The following UTRN variants were observed in gnomAD, a reference collection of about 807,000 sequenced individuals.
UTRN encodes the protein utrophin, also known as dystrophin-related protein 1.
Under a neutral mutation model 463.9 loss-of-function variants are expected in UTRN, and 283 were observed. The ratio of observed to expected loss-of-function variants is 0.61; its 90% CI spans 0.55 to 0.67. The LOEUF (loss-of-function observed/expected upper bound fraction) is 0.67, where lower values mean the gene tolerates loss of function less well. UTRN is among the 30% of genes least tolerant of loss of function. The pLI is 0.00. For missense variants in UTRN, 3,922 were observed against 4,084.3 expected (o/e 0.96, Z 1.08); for synonymous variants, 1,442 against 1,431.5 (o/e 1.01, Z -0.17).
chr6:144,463,370 G>A (rs1430402256), intron 23 of UTRN, among the ~76,000 whole-genome samples: 1 of 152,174 alleles, frequency 6.6e-6, no homozygotes, highest in African/African-American at 2.4e-5. Context: ...CACTACACCT[G>A]AAAATGTTGA....
chr6:144,290,655 A>G (rs1223092293), intron 1 of UTRN, among the ~76,000 whole-genome samples: 1 of 151,686 alleles, frequency 6.6e-6, no homozygotes, highest in Non-Finnish European at 1.5e-5. Flanking sequence ...TCATATACCC[A>G]TGAGCTAGGT....
chr6:144,804,693 CAG>C (rs34467159), intron 65 of UTRN, among the ~76,000 whole-genome samples: 64,993 of 151,746 alleles, frequency 0.43, 15,857 homozygotes, highest in African/African-American at 0.65. Context: ...TCTACCATTC[CAG>C]AGAGAGACTG....
intron 51 of UTRN, among the ~76,000 whole-genome samples, chr6:144,657,250 C>CAAAAA (rs11400052): frequency 2.9e-5 from 2 of 68,854 alleles, no homozygotes; most frequent in African/African-American, 4.8e-5. Context: ...AACTCCATCT[C>CAAAAA]AAAAAAAAAA....
intron 51 of UTRN, among the ~76,000 whole-genome samples, chr6:144,606,880 C>T (rs9390176): frequency 0.069 from 10,426 of 152,136 alleles, 985 homozygotes; most frequent in East Asian, 0.53. Flanking sequence ...TGCAATTCCT[C>T]GCTCAGAGAG....
intron 46 of UTRN, among the ~76,000 whole-genome samples, chr6:144,545,812 G>A (rs896044311): frequency 1.3e-5 from 2 of 152,198 alleles, no homozygotes; most frequent in Non-Finnish European, 2.9e-5. Flanking sequence ...CTGAGGTCAG[G>A]AGTTCGAGAC....
chr6:144,481,225 T>C (rs1791824052), intron 26 of UTRN, among the ~76,000 whole-genome samples: 1 of 152,178 alleles, frequency 6.6e-6, no homozygotes, highest in South Asian at 2.1e-4. Context: ...TTCAAAACCA[T>C]TAAGTAGTAG....
intron 50 of UTRN, among the ~76,000 whole-genome samples, chr6:144,565,918 T>C (rs565496879): frequency 6.6e-6 from 1 of 151,756 alleles, no homozygotes; most frequent in African/African-American, 2.4e-5. Context: ...AGAGAGTCGA[T>C]TGACTTTTCT....
At chr6:144,760,587 C>T (rs562007483) in intron 58 of UTRN, among the ~76,000 whole-genome samples, 32 of 152,068 alleles carry the variant, frequency 2.1e-4, no homozygotes, top group Non-Finnish European at 3.7e-4. Flanking sequence ...ACATCAAATT[C>T]TGAAGGTAGA....
chr6:144,740,072 A>C (rs1315543998), intron 54 of UTRN, among the ~76,000 whole-genome samples: 1 of 152,142 alleles, frequency 6.6e-6, no homozygotes, highest in Non-Finnish European at 1.5e-5. Flanking sequence ...AATACTTACC[A>C]CCCATTCTAC....
At position 144,505,797 on chromosome 6, in the gene UTRN, C is replaced by T. The variant is rs1794643407; in HGVS notation, c.4765-5147C>T. ...CTTGGTCCAGAGCTGAGTTCAAGTC[C>T]TGAATATCCTTGTTAATTTTCTGCC... On this transcript the variant is annotated intron_variant, in intron 34 of 74. Transcript: ENST00000367545. Among the ~76,000 whole-genome samples, 4 of 152,308 alleles carry T rather than the reference C, an allele frequency of 2.6e-5. No individual in the cohort carries two copies. The South Asian group carries it at 8.3e-4, about 32-fold the overall frequency.
chr6:144,474,663 G>A lies in UTRN; in HGVS notation c.3240G>A (p.Glu1080=). The change falls in exon 25 of 75, where the codon GAG becomes GAA. Residue 1080 remains glutamate, a synonymous_variant. Transcript: ENST00000367545. ...ESSLKNMKEI[E]TNLRSGPVAG... is the part of the protein sequence containing the mutation. ...CTCTGAAAAACATGAAGGAAATAGA[G>A]ACTAATCTTCGAAGTGGTCCAGTTG... The A allele has an allele frequency of 1.2e-6, 2 of 1,613,930 alleles. No individual in the cohort carries two copies. The highest frequency in any genetic ancestry group is 1.7e-6 in the Non-Finnish European group (2 of 1,179,924).
At chr6:144,302,049 G>A (rs1400659088) in intron 2 of UTRN, among the ~76,000 whole-genome samples, 5 of 152,138 alleles carry the variant, frequency 3.3e-5, no homozygotes, top group African/African-American at 1.2e-4. Context: ...GTGCCACCAG[G>A]TGTTCTGCTC....
intron 13 of UTRN, among the ~76,000 whole-genome samples, chr6:144,441,124 C>T (rs1787114548): frequency 6.6e-6 from 1 of 152,138 alleles, no homozygotes; most frequent in East Asian, 1.9e-4. Flanking sequence ...CCTGGCCTCT[C>T]CCAAATCTTA....
At chr6:144,560,720 A>G (rs887704188) in intron 50 of UTRN, among the ~76,000 whole-genome samples, 4 of 152,106 alleles carry the variant, frequency 2.6e-5, no homozygotes, top group Admixed American at 6.6e-5. Flanking sequence ...ACAATGCCAA[A>G]ATCTAAAAAC....
intron 41 of UTRN, among the ~76,000 whole-genome samples, chr6:144,529,540 T>A (rs987055137): frequency 2.0e-5 from 3 of 152,216 alleles, no homozygotes; most frequent in Admixed American, 1.3e-4. Context: ...TTTAGATCTT[T>A]GGAACAGTCT....
intron 48 of UTRN, among the ~76,000 whole-genome samples, chr6:144,553,549 C>A (rs1048902727): frequency 2.0e-5 from 3 of 152,224 alleles, no homozygotes; most frequent in Non-Finnish European, 4.4e-5. Context: ...CAGGTTCTTG[C>A]GGATATTCTA....
At position 144,789,650 on chromosome 6, in the gene UTRN, A is replaced by G. The variant is rs114800178; in HGVS notation, c.8920+371A>G. On this transcript the variant is annotated intron_variant, in intron 62 of 74. Transcript: ENST00000367545. The stretch of plus-strand genomic sequence containing the variant: ...CTAGTCTAAGACTGCAGAGCTGATA[A>G]GGGATGGGGCTAGAATTAGATACTA... 7.4e-3 allele frequency among the ~76,000 whole-genome samples: 1,133 copies of G among 152,324 alleles called. 21 individuals are homozygous for G. The highest frequency in any genetic ancestry group is 0.025 in the African/African-American group (1,051 of 41,568).
intron 2 of UTRN, among the ~76,000 whole-genome samples, chr6:144,379,467 C>T (rs141871499): frequency 5.3e-5 from 8 of 152,208 alleles, no homozygotes; most frequent in East Asian, 3.9e-4. Context: ...GGTTCTCGGT[C>T]GAAGGCCACA....
chr6:144,461,752 A>G (rs1406892681), intron 22 of UTRN, among the ~76,000 whole-genome samples: 6 of 152,168 alleles, frequency 3.9e-5, no homozygotes, highest in Non-Finnish European at 8.8e-5. Context: ...GCCATTGAGC[A>G]CTGCACACTT....
Sources: allele counts gnomAD v4.1 joint callset (sites outside exome capture counted in the v4.1 genomes callset), GRCh38; gene constraint gnomAD v4.1.1; transcripts MANE v1.5; gene names NCBI Gene and HGNC (gene_info 2026-07-23, HGNC 2026-07-21).